The following STAU2 variants were observed in gnomAD, a reference collection of about 807,000 sequenced individuals.
STAU2 encodes the protein staufen double-stranded RNA binding protein 2.
In STAU2, 20 loss-of-function variants were observed where a neutral mutation model predicts 65.9. The ratio of observed to expected loss-of-function variants is 0.30; its 90% CI spans 0.21 to 0.44. The LOEUF (loss-of-function observed/expected upper bound fraction) is 0.44, where lower values mean the gene tolerates loss of function less well. Among genes scored for constraint, STAU2 ranks in the 20% least tolerant of loss-of-function variants. The pLI is 1.00. For synonymous variants in STAU2, 232 were observed against 233.9 expected (o/e 0.99, Z 0.07); for missense variants, 558 against 683.9 (o/e 0.82, Z 2.05).
intron 6 of STAU2, among the ~76,000 whole-genome samples, chr8:73,667,330 A>C (rs1297388774): frequency 1.3e-5 from 2 of 152,098 alleles, no homozygotes; most frequent in Non-Finnish European, 2.9e-5. Flanking sequence ...ACTCCCAATC[A>C]CCTTCAGAAT....
intron 6 of STAU2, among the ~76,000 whole-genome samples, chr8:73,628,295 T>C (rs529779504): frequency 6.6e-6 from 1 of 151,874 alleles, no homozygotes; most frequent in Admixed American, 6.6e-5. Context: ...TGGTCTTGAA[T>C]TCCTGGGCTA....
intron 6 of STAU2, chr8:73,651,650 C>G: frequency 7.3e-6 from 4 of 547,544 alleles, no homozygotes; most frequent in Admixed American, 2.7e-5. Context: ...GAGGCCCTGG[C>G]CTCTGAGTGG....
chr8:73,440,240 G>A (rs1818038955), intron 13 of STAU2: 1 of 152,150 alleles, frequency 6.6e-6, no homozygotes, highest in South Asian at 2.1e-4. Flanking sequence ...TTTCACTGAG[G>A]CCGATGGCTT....
chr8:73,718,657 G>A (rs1475312864), intron 3 of STAU2, among the ~76,000 whole-genome samples: 1 of 152,136 alleles, frequency 6.6e-6, no homozygotes, highest in Non-Finnish European at 1.5e-5. Context: ...CCAATTCCTA[G>A]GTAAAGAATC....
At chr8:73,681,558 T>C (rs1563502611) in intron 5 of STAU2, among the ~76,000 whole-genome samples, 1 of 151,590 alleles carries the variant, frequency 6.6e-6, no homozygotes. Flanking sequence ...AATAACACAA[T>C]GAGAAAAAAC....
At chr8:73,522,948 A>C (rs1437011962) in intron 13 of STAU2, among the ~76,000 whole-genome samples, 2 of 152,108 alleles carry the variant, frequency 1.3e-5, no homozygotes, top group African/African-American at 4.8e-5. Flanking sequence ...CTGTAATCCT[A>C]GCACTTTGGG....
At chr8:73,555,155 A>T (rs920625257) in intron 12 of STAU2, among the ~76,000 whole-genome samples, 1 of 152,190 alleles carries the variant, frequency 6.6e-6, no homozygotes, top group Non-Finnish European at 1.5e-5. Context: ...GGGAAAGGAG[A>T]AGTGCTAAAA....
intron 5 of STAU2, among the ~76,000 whole-genome samples, chr8:73,685,972 C>A (rs1374574294): frequency 6.6e-6 from 1 of 152,020 alleles, no homozygotes. Context: ...TACTACTCAG[C>A]CATAAAAAGG....
chr8:73,746,525 C>A (rs1275622630), intron 1 of STAU2, among the ~76,000 whole-genome samples: 1 of 151,882 alleles, frequency 6.6e-6, no homozygotes, highest in Non-Finnish European at 1.5e-5. Context: ...TCGTCCCACC[C>A]CCTCCACCAC....
chr8:73,743,867 G>A (rs1378004073), intron 1 of STAU2, among the ~76,000 whole-genome samples: 1 of 145,704 alleles, frequency 6.9e-6, no homozygotes, highest in African/African-American at 2.6e-5. Context: ...TGCCTCCCGG[G>A]TTCAAGCGAT....
intron 3 of STAU2, among the ~76,000 whole-genome samples, chr8:73,709,905 T>C (rs1341637983): frequency 6.6e-6 from 1 of 152,098 alleles, no homozygotes; most frequent in Non-Finnish European, 1.5e-5. Flanking sequence ...TAATAAACAT[T>C]CTCACAGTTT....
chr8:73,578,345 T>C (rs1210214222), intron 12 of STAU2, among the ~76,000 whole-genome samples: 1 of 152,196 alleles, frequency 6.6e-6, no homozygotes, highest in African/African-American at 2.4e-5. Context: ...CTGGTATGAC[T>C]AAAACAGAGG....
At chr8:73,523,246 A>G (rs1823153338) in intron 13 of STAU2, among the ~76,000 whole-genome samples, 1 of 151,556 alleles carries the variant, frequency 6.6e-6, no homozygotes, top group Admixed American at 6.6e-5. Flanking sequence ...GCCTTAACTA[A>G]TCACTGGCAT....
intron 11 of STAU2, among the ~76,000 whole-genome samples, chr8:73,587,829 G>A (rs780553758): frequency 3.5e-4 from 53 of 152,304 alleles, no homozygotes; most frequent in Non-Finnish European, 5.7e-4. Flanking sequence ...GCCAGTGGCA[G>A]GGAAGGAGAA....
At chr8:73,697,889 T>C (rs1819792859) in intron 4 of STAU2, among the ~76,000 whole-genome samples, 1 of 151,944 alleles carries the variant, frequency 6.6e-6, no homozygotes, top group Admixed American at 6.6e-5. Context: ...AGACCAGCCT[T>C]GCCATCACGG....
rs774712169 is a variant in STAU2, at chr8:73,634,295, C to T, written c.411-16844G>A. On this transcript the variant is annotated intron_variant, in intron 6 of 14. Coordinates refer to ENST00000524300, the MANE Select transcript of STAU2 (RefSeq NM_001164380.2). ...TTTTTTGCTCAAAACCTGCGTTGGC[C>T]GGGGTGGGCGGATCACGAGGTCAAG... 3.3e-5 allele frequency among the ~76,000 whole-genome samples: 5 copies of T among 151,754 alleles called. No homozygotes were observed. In the South Asian group the frequency reaches 8.3e-4, roughly 25 times the overall value.
intron 11 of STAU2, among the ~76,000 whole-genome samples, chr8:73,589,545 T>A (rs564822259): frequency 2.0e-5 from 3 of 152,092 alleles, no homozygotes; most frequent in African/African-American, 7.2e-5. Context: ...AACAAAAACA[T>A]AAGGAAATCC....
chr8:73,580,428 T>C (rs1037643178), intron 12 of STAU2, among the ~76,000 whole-genome samples: 2 of 152,212 alleles, frequency 1.3e-5, no homozygotes, highest in African/African-American at 4.8e-5. Flanking sequence ...CAGCCAGCAC[T>C]GGCAATCTCA....
chr8:73,575,355 A>C (rs950887824), intron 12 of STAU2, among the ~76,000 whole-genome samples: 1 of 152,334 alleles, frequency 6.6e-6, no homozygotes, highest in Admixed American at 6.5e-5. Flanking sequence ...GTGTTCCTGA[A>C]GCTGTAGGGA....
Sources: gnomAD v4.1 joint callset for allele counts (sites outside exome capture counted in the v4.1 genomes callset) on GRCh38, gnomAD v4.1.1 for gene constraint, MANE v1.5 for transcripts, NCBI Gene and HGNC (gene_info 2026-07-23, HGNC 2026-07-21) for gene names.